KIF2C: variants seen among roughly 807,000 people sequenced by gnomAD.
The protein encoded by KIF2C is kinesin family member 2C.
In KIF2C, 34 loss-of-function variants were observed where a neutral mutation model predicts 97.4. The ratio of observed to expected loss-of-function variants is 0.35; its 90% confidence interval spans 0.27 to 0.46. KIF2C has a LOEUF of 0.46. Ranked by LOEUF, KIF2C falls within the 20% of genes least tolerant of loss-of-function variation. The pLI is 1.00. For synonymous variants in KIF2C, 313 were observed against 318.2 expected (o/e 0.98, Z 0.17); for missense variants, 750 against 907.6 (o/e 0.83, Z 2.23).
At chr1:44,746,478 C>T in intron 2 of KIF2C, 1 of 1,241,298 alleles carries the variant, frequency 8.1e-7, no homozygotes, top group Non-Finnish European at 1.0e-6. Flanking sequence ...TAGCAGCTGT[C>T]AGGAACTTGC....
At chr1:44,747,307 C>CAAAAA in intron 2 of KIF2C, 77 bp from the exon 3 acceptor site, 3 of 989,794 alleles carry the variant, frequency 3.0e-6, no homozygotes, top group Admixed American at 3.0e-5. Flanking sequence ...TACTCTGTCT[C>CAAAAA]AAAAAAAAAA....
chr1:44,767,229 C>A lies in KIF2C; in HGVS notation c.*50C>A. The A allele has an allele frequency of 6.5e-7, 1 of 1,543,584 alleles. No homozygotes were observed. The highest frequency in any genetic ancestry group is 8.9e-7 in the Non-Finnish European group (1 of 1,117,954). ...GTTTGACACCCAGCCTCTTCCCTGG[C>A]CCTCCCCAGAGAACTTTGGGTACCT... On this transcript the variant is annotated 3_prime_UTR_variant, in exon 21 of 21. Transcript: ENST00000372224.
chr1:44,745,205 C>A (rs911602962), intron 2 of KIF2C, among the ~76,000 whole-genome samples: 5 of 149,716 alleles, frequency 3.3e-5, no homozygotes, highest in African/African-American at 1.2e-4. Flanking sequence ...AAAAAAAAAA[C>A]CTCTGGTTTT....
At chr1:44,742,292 G>A (rs1648974630) in intron 2 of KIF2C, among the ~76,000 whole-genome samples, 1 of 151,898 alleles carries the variant, frequency 6.6e-6, no homozygotes, top group African/African-American at 2.4e-5. Context: ...TGTATTTTTA[G>A]TAGAGATGGG....
Position 44,739,961 on chromosome 1 carries a change from G to T in KIF2C, c.29G>T (p.Arg10Leu), listed in dbSNP as rs769102124. 19 of 1,614,058 alleles carry T rather than the reference G, an allele frequency of 1.2e-5. No homozygotes were observed. The African/African-American group carries it at 2.1e-4, about 18-fold the overall frequency. ...GCCATGGACTCGTCGCTTCAGGCCC[G>T]CCTGTTTCCCGGTCTCGCTATCAAG... MAMDSSLQA[R>L]LFPGLAIKIQ... The change falls in exon 1 of 21, where the codon CGC becomes CTC. Residue 10 changes from arginine to leucine, a missense_variant. Coordinates refer to ENST00000372224, the MANE Select transcript of KIF2C (RefSeq NM_006845.4).
At chr1:44,740,883 G>C in intron 1 of KIF2C, 30 bp from the exon 2 acceptor site, 1 of 1,509,030 alleles carries the variant, frequency 6.6e-7, no homozygotes, top group Non-Finnish European at 9.1e-7. Flanking sequence ...GGAAAGAGAT[G>C]GGTAACTCTG....
At chr1:44,740,879 A>C (rs750123116) in intron 1 of KIF2C, 34 bp from the exon 2 acceptor site, 1 of 1,494,134 alleles carries the variant, frequency 6.7e-7, no homozygotes, top group South Asian at 1.2e-5. Context: ...CTCAGGAAAG[A>C]GATGGGTAAC....
intron 19 of KIF2C, among the ~76,000 whole-genome samples, chr1:44,763,891 A>G (rs7512710): frequency 0.49 from 73,760 of 151,818 alleles, 18,511 homozygotes; most frequent in African/African-American, 0.62. Flanking sequence ...AAATTAGCCG[A>G]GTATGGTGGC....
At chr1:44,741,128 A>C in intron 2 of KIF2C, 121 bp downstream of exon 2, 2 of 709,900 alleles carry the variant, frequency 2.8e-6, no homozygotes, top group Non-Finnish European at 4.7e-6. Context: ...CACGCCTGTA[A>C]TCCCAGAACT....
At position 44,753,123 on chromosome 1, in the gene KIF2C, C is replaced by A; in HGVS notation, c.440-9C>A. On this transcript the variant is annotated splice_polypyrimidine_tract_variant and intron_variant, in intron 5 of 20. Transcript: ENST00000372224. ...GCCTGCTTCTCCAGTGACTCTTGTT[C>A]CCCTACAGCTGCCCCCACTAGGCCT... 1 of 1,607,202 alleles carries A rather than the reference C, an allele frequency of 6.2e-7. No homozygotes were observed. The highest frequency in any genetic ancestry group is 8.5e-7 in the Non-Finnish European group (1 of 1,175,796).
chr1:44,744,929 C>G (rs759866635), intron 2 of KIF2C, among the ~76,000 whole-genome samples: 25 of 151,882 alleles, frequency 1.6e-4, no homozygotes, highest in Middle Eastern at 3.4e-3. Flanking sequence ...GTGGCTCATG[C>G]CTGTAATCCC....
chr1:44,747,534 T>C (rs377181811), intron 3 of KIF2C, 49 bp downstream of exon 3: 1 of 1,580,918 alleles, frequency 6.3e-7, no homozygotes, highest in South Asian at 1.1e-5. Context: ...GAATTCACTT[T>C]GCTTATTGAC....
At chr1:44,766,746 G>A in intron 19 of KIF2C, 80 bp from the exon 20 acceptor site, 1 of 1,489,650 alleles carries the variant, frequency 6.7e-7, no homozygotes, top group African/African-American at 1.4e-5. Context: ...TTACTCAGGT[G>A]TCTGCATTGC....
In KIF2C at chr1:44,767,516, C is replaced by A; in HGVS notation, c.*337C>A. The A allele has an allele frequency of 3.9e-6, 1 of 257,900 alleles. No individual in the cohort carries two copies. Among genetic ancestry groups the A allele is most frequent in the South Asian group, 4.5e-5 (1 of 22,058 alleles). The allele number at this position is 257,900 out of a possible 1,614,324, so 16.0% of individuals were successfully genotyped here. On this transcript the variant is annotated 3_prime_UTR_variant, in exon 21 of 21. Coordinates refer to ENST00000372224, the MANE Select transcript of KIF2C (RefSeq NM_006845.4). ...TGGACTGGCTGCTAATGGAGAGCTC[C>A]CTGGGGTTGTCCTGGCTCTGGGGAG...
rs1162179735 is a variant in KIF2C, at chr1:44,764,219, A to G, written c.1971+1561A>G. Among the ~76,000 whole-genome samples the G allele has an allele frequency of 2.0e-5, 3 of 152,060 alleles. No individual in the cohort carries two copies. In the East Asian group the frequency reaches 5.8e-4, roughly 29 times the overall value. On this transcript the variant is annotated intron_variant, in intron 19 of 20. Transcript: ENST00000372224. ...TGAGACAGAGTCTCACTCGTCACCC[A>G]GGCTGGAGTTTAGTGGTGCAATCTT...
chr1:44,740,958 C>A lies in KIF2C; in HGVS notation c.116C>A (p.Ser39Tyr). ...ANVRTVNLEK[S>Y]CVSVEWAEGG... is the part of the protein sequence containing the mutation. ...GTAAGGACTGTGAACTTGGAGAAATCCTGTGTTTCAGTGGAATGGGCAGAA... is the reference window on the plus strand; with the variant it reads ...GTAAGGACTGTGAACTTGGAGAAATACTGTGTTTCAGTGGAATGGGCAGAA... The change falls in exon 2 of 21, where the codon TCC (serine) becomes TAC (tyrosine). Residue 39 changes from serine to tyrosine, a missense_variant. Physicochemically the swap from Ser to Tyr is moderately radical, Grantham distance 144. Transcript: ENST00000372224. The A allele has an allele frequency of 6.2e-7, 1 of 1,613,738 alleles. No individual in the cohort carries two copies. Among genetic ancestry groups the A allele is most frequent in the South Asian group, 1.1e-5 (1 of 91,066 alleles).
At position 44,767,231 on chromosome 1, in the gene KIF2C, C is replaced by A; in HGVS notation, c.*52C>A. 1.3e-6 allele frequency: 2 copies of A among 1,537,290 alleles called. No homozygotes were observed. The highest frequency in any genetic ancestry group is 1.8e-6 in the Non-Finnish European group (2 of 1,112,490). On this transcript the variant is annotated 3_prime_UTR_variant, in exon 21 of 21. Coordinates refer to ENST00000372224, the MANE Select transcript of KIF2C (RefSeq NM_006845.4). Reference sequence around the variant, plus strand: ...TTGACACCCAGCCTCTTCCCTGGCCCTCCCCAGAGAACTTTGGGTACCTGG... The same window carrying A: ...TTGACACCCAGCCTCTTCCCTGGCCATCCCCAGAGAACTTTGGGTACCTGG...
At chr1:44,765,564 G>T in intron 19 of KIF2C, among the ~76,000 whole-genome samples, 1 of 152,312 alleles carries the variant, frequency 6.6e-6, no homozygotes, top group East Asian at 1.9e-4. Context: ...GCTGGGCGCG[G>T]TGGCTTATGC....
chr1:44,762,597 C>A lies in KIF2C; in HGVS notation c.1910C>A (p.Ala637Asp), dbSNP rs1650222861. The change falls in exon 19 of 21, where the codon GCC (alanine) becomes GAC (aspartate). Residue 637 changes from alanine to aspartate, a missense_variant. Physicochemically the swap from Ala to Asp is moderately radical, Grantham distance 126. Transcript: ENST00000372224. ...LSSQMSSFNE[A>D]MTQIRELEEK... ...TCCCAGATGTCCAGCTTTAACGAAG[C>A]CATGACTCAGATCAGGGAGCTGGAG... 6.2e-7 allele frequency: 1 copy of A among 1,614,014 alleles called. No homozygotes were observed. Among genetic ancestry groups the A allele is most frequent in the African/African-American group, 1.3e-5 (1 of 74,910 alleles).
Sources: allele counts gnomAD v4.1 joint callset (sites outside exome capture counted in the v4.1 genomes callset), GRCh38; gene constraint gnomAD v4.1.1; transcripts MANE v1.5; gene names NCBI Gene and HGNC (gene_info 2026-07-23, HGNC 2026-07-21).